The following DOCK1 variants were observed in gnomAD, a reference collection of about 807,000 sequenced individuals.
DOCK1 encodes dedicator of cytokinesis protein 1.
DOCK1 carries 138 observed loss-of-function variants against 262.7 expected under a neutral mutation model. The observed-to-expected ratio is 0.53, with a 90% CI of 0.46 to 0.61. DOCK1 has a LOEUF of 0.61. Ranked by LOEUF, DOCK1 falls within the 20% of genes least tolerant of loss-of-function variation. The pLI, the probability that DOCK1 is intolerant of heterozygous loss-of-function variation, is 0.00. For synonymous variants in DOCK1, 866 were observed against 867.4 expected (o/e 1.00, Z 0.03); for missense variants, 1,908 against 2,370.7 (o/e 0.80, Z 4.05).
At chr10:127,147,738 T>C (rs2052029855) in intron 27 of DOCK1, among the ~76,000 whole-genome samples, 1 of 152,032 alleles carries the variant, frequency 6.6e-6, no homozygotes, top group Non-Finnish European at 1.5e-5. Context: ...TGTTTAAAAT[T>C]CCACCTGTCC....
rs570858042 is a variant in DOCK1 at position 126,921,713 on chromosome 10, C to T, written c.46+16150C>T. Among the ~76,000 whole-genome samples, 5 of 152,126 alleles carry T rather than the reference C, an allele frequency of 3.3e-5. No individual in the cohort carries two copies. In the South Asian group the frequency reaches 6.2e-4, roughly 19 times the overall value. On this transcript the variant is annotated intron_variant, in intron 1 of 51. Transcript: ENST00000623213. ...TGTTCCCCAGGCTGGAGTGCAGTGG[C>T]GCGATCTCAACTCACTGCAGCCTCC...
At chr10:126,911,956 A>T (rs1368217462) in intron 1 of DOCK1, among the ~76,000 whole-genome samples, 2 of 152,184 alleles carry the variant, frequency 1.3e-5, no homozygotes, top group African/African-American at 2.4e-5. Flanking sequence ...GGACCACAAG[A>T]CAGGGTGGCT....
chr10:127,019,298 A>G (rs980209242), intron 13 of DOCK1, among the ~76,000 whole-genome samples: 1 of 152,212 alleles, frequency 6.6e-6, no homozygotes, highest in Non-Finnish European at 1.5e-5. Context: ...GACCGATAAC[A>G]GGATTTGCGT....
chr10:127,380,419 G>C (rs1188043698), intron 36 of DOCK1, among the ~76,000 whole-genome samples: 2 of 152,020 alleles, frequency 1.3e-5, no homozygotes, highest in Non-Finnish European at 2.9e-5. Flanking sequence ...TTTGCAAAAA[G>C]ATAAGCACAT....
At position 127,193,626 on chromosome 10, in the gene DOCK1, C is replaced by T. The variant is rs188969531; in HGVS notation, c.2848-54382C>T. Among the ~76,000 whole-genome samples, 17 of 152,340 alleles carry T rather than the reference C, an allele frequency of 1.1e-4. No homozygotes were observed. In the East Asian group the frequency reaches 2.3e-3, roughly 21 times the overall value. ...ACGGGTCTGTCCTGCCACTCCACTG[C>T]GATCCGTTGTTATTTCTGAGAATCA... On this transcript the variant is annotated intron_variant, in intron 27 of 51. Transcript: ENST00000623213.
At chr10:127,090,856 A>G (rs550935849) in intron 23 of DOCK1, among the ~76,000 whole-genome samples, 2 of 152,158 alleles carry the variant, frequency 1.3e-5, no homozygotes, top group African/African-American at 2.4e-5. Flanking sequence ...ATTCCATTGT[A>G]TGGACAGACC....
chr10:127,114,866 C>T (rs1276140844), intron 25 of DOCK1, among the ~76,000 whole-genome samples: 2 of 151,716 alleles, frequency 1.3e-5, no homozygotes, highest in African/African-American at 2.4e-5. Context: ...AATCGATTCT[C>T]CTGCCTCAGC....
intron 33 of DOCK1, among the ~76,000 whole-genome samples, chr10:127,372,944 C>A (rs72841522): frequency 1.3e-5 from 2 of 152,140 alleles, no homozygotes. Flanking sequence ...TGGCTAGTCA[C>A]CAGGCCGGAG....
chr10:126,932,102 G>A (rs2034231830), intron 1 of DOCK1, among the ~76,000 whole-genome samples: 2 of 152,156 alleles, frequency 1.3e-5, no homozygotes, highest in African/African-American at 4.8e-5. Flanking sequence ...GATAGTCAAA[G>A]CTGAACTCCA....
chr10:126,914,586 G>A (rs2032243809), intron 1 of DOCK1, among the ~76,000 whole-genome samples: 2 of 152,094 alleles, frequency 1.3e-5, no homozygotes, highest in Admixed American at 1.3e-4. Context: ...GAGATTGGGA[G>A]AGGGTCTTGT....
At chr10:127,370,395 G>A (rs995788298) in intron 33 of DOCK1, among the ~76,000 whole-genome samples, 1 of 152,054 alleles carries the variant, frequency 6.6e-6, no homozygotes, top group African/African-American at 2.4e-5. Context: ...TTCCACCCTG[G>A]CCCAGCCTCC....
At position 127,433,413 on chromosome 10, in the gene DOCK1, G is replaced by T. The variant is rs1248828022; in HGVS notation, c.5045G>T (p.Arg1682Ile). 1 of 1,613,960 alleles carries T rather than the reference G, an allele frequency of 6.2e-7. No homozygotes were observed. Among genetic ancestry groups the T allele is most frequent in the Non-Finnish European group, 8.5e-7 (1 of 1,179,900 alleles). The change falls in exon 48 of 52, where the codon AGA becomes ATA. Residue 1682 changes from arginine to isoleucine, a missense_variant. Arg to Ile is a moderately conservative substitution (Grantham distance 97, BLOSUM62 -3). This residue lies in a region of DOCK1 where 383 missense variants were observed against 420.1 expected (regional missense o/e 0.91). Transcript: ENST00000623213. ...CTCTCATCGGACAGCACCCCTTCCA[G>T]ACCAGGCTCCGACGGGTGAGTCAAG... ...SSLSSDSTPS[R>I]PGSDGFALEP... is the part of the protein sequence containing the mutation.
intron 27 of DOCK1, among the ~76,000 whole-genome samples, chr10:127,149,009 A>C (rs1490428907): frequency 6.6e-6 from 1 of 152,190 alleles, no homozygotes; most frequent in Non-Finnish European, 1.5e-5. Flanking sequence ...GAAGCCCATC[A>C]ATCCTCTGCC....
intron 1 of DOCK1, among the ~76,000 whole-genome samples, chr10:126,925,224 A>G (rs1182279540): frequency 6.6e-6 from 1 of 152,234 alleles, no homozygotes; most frequent in Non-Finnish European, 1.5e-5. Context: ...CTAACATACC[A>G]TAGGCTGATT....
intron 27 of DOCK1, among the ~76,000 whole-genome samples, chr10:127,217,205 A>G (rs1407849843): frequency 6.6e-6 from 1 of 152,220 alleles, no homozygotes; most frequent in Non-Finnish European, 1.5e-5. Flanking sequence ...ATTTCACTTT[A>G]CCTGGGGTTA....
intron 27 of DOCK1, among the ~76,000 whole-genome samples, chr10:127,129,740 A>G (rs142443452): frequency 1.3e-5 from 2 of 152,244 alleles, no homozygotes; most frequent in East Asian, 1.9e-4. Flanking sequence ...ACTTGAACCA[A>G]GTGTGGTTCT....
chr10:127,351,156 C>G (rs780033439), intron 31 of DOCK1, among the ~76,000 whole-genome samples: 1 of 152,142 alleles, frequency 6.6e-6, no homozygotes, highest in Non-Finnish European at 1.5e-5. Flanking sequence ...GATTTTATGT[C>G]CGGGTTACAG....
intron 1 of DOCK1, among the ~76,000 whole-genome samples, chr10:126,910,576 G>C (rs1477910930): frequency 1.3e-5 from 2 of 152,178 alleles, no homozygotes; most frequent in African/African-American, 2.4e-5. Context: ...AAATGCGGGT[G>C]TAAAATATAA....
intron 32 of DOCK1, among the ~76,000 whole-genome samples, chr10:127,358,936 CTA>C (rs939410247): frequency 1.3e-5 from 2 of 152,100 alleles, no homozygotes; most frequent in African/African-American, 4.8e-5. Context: ...CGTTCTGTAA[CTA>C]AAATAGACTC....
Sources: allele counts gnomAD v4.1 joint callset (sites outside exome capture counted in the v4.1 genomes callset), GRCh38; gene constraint gnomAD v4.1.1; regional missense constraint gnomAD v4.1.1; transcripts MANE v1.5; gene names NCBI Gene and HGNC (gene_info 2026-07-23, HGNC 2026-07-21).